Variants in GRM5 observed in about 807,000 individuals in gnomAD.
GRM5 encodes glutamate metabotropic receptor 5.
A neutral mutation model predicts 83.1 loss-of-function variants in GRM5; 19 were observed. The ratio of observed to expected loss-of-function variants is 0.23; its 90% CI spans 0.16 to 0.34. The LOEUF is 0.34. GRM5 is among the 10% of genes least tolerant of loss of function. GRM5 has a pLI of 1.00. For synonymous variants in GRM5, 675 were observed against 633.6 expected (o/e 1.07, Z -0.98); for missense variants, 1,160 against 1,588.3 (o/e 0.73, Z 4.58).
chr11:88,865,358 T>C (rs1480618887), intron 2 of GRM5, among the ~76,000 whole-genome samples: 3 of 152,152 alleles, frequency 2.0e-5, no homozygotes, highest in Non-Finnish European at 2.9e-5. Flanking sequence ...GCTAGCCTTA[T>C]GCAGAAAACG....
intron 4 of GRM5, among the ~76,000 whole-genome samples, chr11:88,608,514 A>ATTTTTTTTTTTTTTTTTTTTTTT (rs35701224): frequency 1.0e-5 from 1 of 98,644 alleles, no homozygotes; most frequent in Non-Finnish European, 2.0e-5. Flanking sequence ...GAAAACAGGG[A>ATTTTTTTTTTTTTTTTTTTTTTT]TTTTTTTTTT....
chr11:88,878,069 T>C (rs1944890901), intron 2 of GRM5, among the ~76,000 whole-genome samples: 1 of 152,102 alleles, frequency 6.6e-6, no homozygotes, highest in African/African-American at 2.4e-5. Context: ...AGCAATCTTA[T>C]TGTAATCATC....
chr11:88,841,841 C>A lies in GRM5; in HGVS notation c.911+8065G>T, dbSNP rs114383333. On this transcript the variant is annotated intron_variant, in intron 3 of 9. Coordinates refer to ENST00000305447, the MANE Select transcript of GRM5 (RefSeq NM_001143831.3). The stretch of plus-strand genomic sequence containing the variant: ...ACATGATAAAAAAATGTGCAATAAT[C>A]AGGAACAATCACTTTTCACTGTAAT... Among the ~76,000 whole-genome samples, 392 of 152,234 alleles carry A rather than the reference C, an allele frequency of 2.6e-3. 3 individuals are homozygous for A. The highest frequency in any genetic ancestry group is 9.1e-3 in the African/African-American group (378 of 41,544).
rs533329514 is a variant in GRM5 at position 88,627,933 on chromosome 11, C to T, written c.1148-22969G>A. On this transcript the variant is annotated intron_variant, in intron 4 of 9. Transcript: ENST00000305447. ...AGATATAGAAGAAAATTCCCCAAAT[C>T]ATGGTTTGGCATGCATGGTTAAAAA... Among the ~76,000 whole-genome samples, 7 of 152,342 alleles carry T rather than the reference C, an allele frequency of 4.6e-5. No individual in the cohort carries two copies. The South Asian group carries it at 1.4e-3, about 32-fold the overall frequency.
intron 5 of GRM5, among the ~76,000 whole-genome samples, chr11:88,598,452 T>A (rs915956375): frequency 6.6e-6 from 1 of 152,270 alleles, no homozygotes; most frequent in Non-Finnish European, 1.5e-5. Flanking sequence ...TTTTTTTTCT[T>A]CAGAATATTA....
At chr11:88,984,955 T>C (rs529197692) in intron 2 of GRM5, 2 of 591,376 alleles carry the variant, frequency 3.4e-6, no homozygotes, top group East Asian at 5.7e-5. Flanking sequence ...CTCACTTTTT[T>C]TCTAATCACA....
At chr11:88,708,471 G>C (rs1037980170) in intron 3 of GRM5, among the ~76,000 whole-genome samples, 29 of 152,202 alleles carry the variant, frequency 1.9e-4, no homozygotes, top group African/African-American at 7.0e-4. Context: ...TAAAGACTTT[G>C]AGGTATGAGT....
chr11:88,985,014 TA>T, intron 2 of GRM5: 1 of 495,910 alleles, frequency 2.0e-6, no homozygotes, highest in African/African-American at 2.0e-5. Context: ...CCATTCCACT[TA>T]ATCATTTATT....
chr11:88,960,913 C>T (rs536178938), intron 2 of GRM5, among the ~76,000 whole-genome samples: 18 of 152,116 alleles, frequency 1.2e-4, no homozygotes, highest in South Asian at 4.1e-4. Context: ...CTAGATGAAG[C>T]GGTTTTTAAC....
chr11:88,798,071 C>G (rs1323276890), intron 3 of GRM5, among the ~76,000 whole-genome samples: 1 of 152,142 alleles, frequency 6.6e-6, no homozygotes, highest in Non-Finnish European at 1.5e-5. Context: ...TGCTCTTTCT[C>G]CTTTCTCTTA....
chr11:88,644,734 C>T (rs1376136619), intron 4 of GRM5, among the ~76,000 whole-genome samples: 2 of 151,218 alleles, frequency 1.3e-5, no homozygotes, highest in Non-Finnish European at 3.0e-5. Context: ...AGCTAAATAG[C>T]TCTACACATG....
chr11:88,512,308 A>T (rs2135080609), intron 9 of GRM5: 1 of 154,562 alleles, frequency 6.5e-6, no homozygotes. Context: ...GTGAAAGTGG[A>T]CACAGGAAAC....
intron 3 of GRM5, among the ~76,000 whole-genome samples, chr11:88,810,706 T>A (rs1943573884): frequency 6.6e-6 from 1 of 152,134 alleles, no homozygotes; most frequent in African/African-American, 2.4e-5. Flanking sequence ...TCATATTAAA[T>A]ATTCAAAGTT....
intron 3 of GRM5, among the ~76,000 whole-genome samples, chr11:88,846,966 G>A (rs2135536820): frequency 6.6e-6 from 1 of 152,224 alleles, no homozygotes; most frequent in East Asian, 1.9e-4. Flanking sequence ...CTTCCCCTCT[G>A]TTTCTACTCT....
chr11:88,586,149 T>TA (rs1193785398), intron 7 of GRM5, among the ~76,000 whole-genome samples: 28 of 151,908 alleles, frequency 1.8e-4, no homozygotes, highest in African/African-American at 5.3e-4. Context: ...TATTTATGTG[T>TA]AAAAAAAGGA....
intron 3 of GRM5, among the ~76,000 whole-genome samples, chr11:88,763,475 T>A (rs1382061256): frequency 6.6e-6 from 1 of 151,866 alleles, no homozygotes; most frequent in Non-Finnish European, 1.5e-5. Context: ...AAAGCTAGGA[T>A]TAACTTTGGT....
intron 3 of GRM5, among the ~76,000 whole-genome samples, chr11:88,746,414 G>A (rs1942143152): frequency 6.6e-6 from 1 of 151,934 alleles, no homozygotes; most frequent in Non-Finnish European, 1.5e-5. Flanking sequence ...TCTTTGTTTA[G>A]CCTGATTCTA....
At chr11:89,061,844 G>A (rs1045954706) in intron 1 of GRM5, among the ~76,000 whole-genome samples, 1 of 152,188 alleles carries the variant, frequency 6.6e-6, no homozygotes, top group Admixed American at 6.5e-5. Context: ...TGTGTAGCCC[G>A]CAGCCAAAAC....
chr11:88,758,617 T>C (rs532448310), intron 3 of GRM5, among the ~76,000 whole-genome samples: 11 of 152,312 alleles, frequency 7.2e-5, no homozygotes, highest in South Asian at 2.1e-4. Context: ...CTAAGATTCA[T>C]TGGTGTTCTC....
Sources: gnomAD v4.1 joint callset for allele counts (sites outside exome capture counted in the v4.1 genomes callset) on GRCh38, gnomAD v4.1.1 for gene constraint, MANE v1.5 for transcripts, NCBI Gene and HGNC (gene_info 2026-07-23, HGNC 2026-07-21) for gene names.